Variants in MADD observed in about 807,000 individuals in gnomAD.
MADD encodes MAP kinase activating death domain, also known as MAP kinase-activating death domain protein.
A neutral mutation model predicts 176.7 loss-of-function variants in MADD; 109 were observed. That is an observed-to-expected ratio of 0.62 (90% CI 0.53 to 0.72). MADD has a LOEUF of 0.72. MADD is among the 30% of genes least tolerant of loss of function. MADD has a pLI of 0.00. For synonymous variants in MADD, 771 were observed against 771.3 expected, an observed-to-expected ratio of 1.00 and a Z score of 0.01; for missense variants, 1,914 against 2,045.5, an observed-to-expected ratio of 0.94 and a Z score of 1.24.
At chr11:47,292,081 C>T (rs895519309) in intron 19 of MADD, among the ~76,000 whole-genome samples, 1 of 152,176 alleles carries the variant, frequency 6.6e-6, no homozygotes, top group Non-Finnish European at 1.5e-5. Context: ...GTTCTTCCTT[C>T]TGAAACTCTG....
chr11:47,280,105 C>T (rs1350083626), intron 7 of MADD, among the ~76,000 whole-genome samples: 1 of 152,062 alleles, frequency 6.6e-6, no homozygotes, highest in Non-Finnish European at 1.5e-5. Context: ...TGAGTAATTC[C>T]TCACATCCAT....
intron 22 of MADD, among the ~76,000 whole-genome samples, chr11:47,307,077 T>C (rs1484984345): frequency 2.0e-5 from 2 of 99,384 alleles, no homozygotes; most frequent in African/African-American, 9.6e-5. Context: ...GAGATTTTTA[T>C]ACTTTTTTTT....
At position 47,328,643 on chromosome 11, in the gene MADD, C is replaced by T. The variant is rs764159830; in HGVS notation, c.4613-15C>T. 6 of 1,614,130 alleles carry T rather than the reference C, an allele frequency of 3.7e-6. No homozygotes were observed. The South Asian group carries it at 5.5e-5, about 15-fold the overall frequency. ...GTTGAACTTTCTGTTTTGTCTCTTG[C>T]CCGTCCGGTTTTAGTTCCTGAAATT... On this transcript the variant is annotated splice_polypyrimidine_tract_variant and intron_variant, in intron 31 of 32. Transcript: ENST00000402192.
intron 20 of MADD, among the ~76,000 whole-genome samples, chr11:47,294,216 G>A (rs2068192485): frequency 6.6e-6 from 1 of 151,830 alleles, no homozygotes; most frequent in Non-Finnish European, 1.5e-5. Context: ...AGGCATGGTG[G>A]CGCATGCCTG....
In MADD at chr11:47,328,844, T is replaced by C. The variant is rs1406719743; in HGVS notation, c.4659+140T>C. 6.9e-6 allele frequency: 8 copies of C among 1,152,134 alleles called. No individual in the cohort carries two copies. In the Admixed American group the frequency reaches 1.4e-4, roughly 21 times the overall value. 71.4% of individuals were successfully genotyped at this position (1,152,134 alleles called of 1,614,324 possible). On this transcript the variant is annotated intron_variant, in intron 32 of 32. Transcript: ENST00000402192. ...TTGTTGCCAAAGGTTCAACTCAGGC[T>C]GAAACAGGTCTTGAGCCCTGAGAGA...
chr11:47,281,762 A>G lies in MADD; in HGVS notation c.1469+9A>G, dbSNP rs771027304. ...GTGGATGTTGCAACCAGGTAAGACC[A>G]AGCCGACTGTATAATCACAAGTTCT... On this transcript the variant is annotated intron_variant, in intron 8 of 32. Coordinates refer to ENST00000402192, the Ensembl canonical transcript of MADD. 5.7e-6 allele frequency: 9 copies of G among 1,581,960 alleles called. No homozygotes were observed. In the African/African-American group the frequency reaches 9.5e-5, roughly 17 times the overall value.
chr11:47,299,735 G>C (rs761511072), intron 22 of MADD, among the ~76,000 whole-genome samples: 15 of 137,624 alleles, frequency 1.1e-4, no homozygotes, highest in Non-Finnish European at 1.6e-4. Context: ...TTGCCATGTT[G>C]CCCAGGCTGG....
At chr11:47,315,304 A>T in exon 27 of MADD, 2 of 1,613,272 alleles carry the variant, frequency 1.2e-6, no homozygotes, top group South Asian at 2.2e-5. Flanking sequence ...GACAGATACA[A>T]ACGGAGATAT....
At chr11:47,297,681 C>G (rs565190827) in intron 22 of MADD, among the ~76,000 whole-genome samples, 17 of 150,796 alleles carry the variant, frequency 1.1e-4, no homozygotes, top group Non-Finnish European at 1.6e-4. Flanking sequence ...CTCCTGACTT[C>G]GTGATCTGCT....
intron 27 of MADD, among the ~76,000 whole-genome samples, chr11:47,317,769 T>C (rs2093482466): frequency 6.8e-6 from 1 of 147,542 alleles, no homozygotes. Flanking sequence ...TTTATTTGTA[T>C]ATAACTTTTT....
chr11:47,274,716 G>A, exon 3 of MADD: 3 of 1,614,214 alleles, frequency 1.9e-6, no homozygotes, highest in Non-Finnish European at 2.5e-6. Context: ...TGAGCCTTCG[G>A]GATGATACCT....
At chr11:47,278,412 G>T in intron 6 of MADD, 134 bp downstream of exon 6, 1 of 668,894 alleles carries the variant, frequency 1.5e-6, no homozygotes. Context: ...GAGACTTACT[G>T]AAACAAGTTT....
chr11:47,276,139 C>G, exon 4 of MADD: 1 of 1,614,232 alleles, frequency 6.2e-7, no homozygotes, highest in Non-Finnish European at 8.5e-7. Flanking sequence ...TGCACCTTCC[C>G]TTGGAACTTC....
chr11:47,327,644 C>T, intron 31 of MADD: 5 of 985,362 alleles, frequency 5.1e-6, no homozygotes, highest in Non-Finnish European at 6.0e-6. Flanking sequence ...CTTCTCTCTT[C>T]TGTCAGAGAG....
Position 47,278,599 on chromosome 11 carries a change from C to T in MADD, c.1209+321C>T, listed in dbSNP as rs572963457. 3.3e-5 allele frequency among the ~76,000 whole-genome samples: 5 copies of T among 152,196 alleles called. No individual in the cohort carries two copies. In the South Asian group the frequency reaches 1.0e-3, roughly 32 times the overall value. On this transcript the variant is annotated intron_variant, in intron 6 of 32. Transcript: ENST00000402192. ...TATAGATCATCTCTTAATGGTTTCC[C>T]TGGGGTATAGTTTCCAGTAAGAAAC...
At chr11:47,286,607 G>A in intron 15 of MADD, 73 bp downstream of exon 15, 1 of 1,113,816 alleles carries the variant, frequency 9.0e-7, no homozygotes, top group Non-Finnish European at 1.4e-6. Flanking sequence ...CATGTCAGGA[G>A]CCCTGCATCT....
rs575160824 is a variant in MADD, at chr11:47,280,618, G to A, written c.1291-957G>A. Among the ~76,000 whole-genome samples, 271 of 152,266 alleles carry A rather than the reference G, an allele frequency of 1.8e-3. 6 individuals carry two copies. The highest frequency in any genetic ancestry group is 1.1e-3 in the Non-Finnish European group (74 of 68,024). ...CCCACTCTGTCACCCAGGCTGGAGT[G>A]CAGTGGCACAATCTTGGCTCACTGC... is the stretch of plus-strand genomic sequence containing the variant. On this transcript the variant is annotated intron_variant, in intron 7 of 32. Coordinates refer to ENST00000402192, the Ensembl canonical transcript of MADD.
chr11:47,290,113 A>G (rs1231340439), intron 17 of MADD, 36 bp from the exon 19 acceptor site: 2 of 1,612,530 alleles, frequency 1.2e-6, no homozygotes, highest in Non-Finnish European at 1.7e-6. Flanking sequence ...CACCACAGGC[A>G]ATTTGCCAAC....
intron 6 of MADD, 116 bp downstream of exon 6, chr11:47,278,394 T>A: frequency 2.6e-6 from 2 of 766,418 alleles, no homozygotes; most frequent in South Asian, 3.4e-5. Context: ...TTGGATAATT[T>A]CTATTGCGAG....
Sources: gnomAD v4.1 joint callset for allele counts (sites outside exome capture counted in the v4.1 genomes callset) on GRCh38, gnomAD v4.1.1 for gene constraint, MANE v1.5 for transcripts, NCBI Gene and HGNC (gene_info 2026-07-23, HGNC 2026-07-21) for gene names.